Variants in GRAMD1A observed in about 807,000 individuals in gnomAD.
The protein encoded by GRAMD1A is protein Aster-A.
A neutral mutation model predicts 92.0 loss-of-function variants in GRAMD1A; 50 were observed. The observed-to-expected ratio is 0.54, with a 90% CI of 0.43 to 0.69. The LOEUF is 0.69. Ranked by LOEUF, GRAMD1A falls within the 30% of genes least tolerant of loss-of-function variation. GRAMD1A has a pLI of 0.00. For missense variants in GRAMD1A, 819 were observed against 978.9 expected (o/e 0.84, Z 2.18); for synonymous variants, 405 against 403.6 (o/e 1.00, Z -0.04).
intron 11 of GRAMD1A, among the ~76,000 whole-genome samples, chr19:35,018,145 G>A (rs1308112799): frequency 3.9e-5 from 6 of 151,960 alleles, no homozygotes; most frequent in Non-Finnish European, 7.4e-5. Context: ...CCACCGTCAC[G>A]CCCAGCTAAT....
chr19:34,996,126 A>G, upstream of GRAMD1A: 1 of 1,536,086 alleles, frequency 6.5e-7, no homozygotes, highest in Non-Finnish European at 8.7e-7. Flanking sequence ...CAGCAGCCAC[A>G]GGGTGACAGG....
At chr19:35,022,237 C>T (rs1461297186) in intron 16 of GRAMD1A, among the ~76,000 whole-genome samples, 199 bp downstream of exon 16, 3 of 151,508 alleles carry the variant, frequency 2.0e-5, no homozygotes, top group Non-Finnish European at 2.9e-5. Context: ...ACAGCAGAGC[C>T]GGGGGGGGCT....
rs1227176649 is a variant in GRAMD1A, at chr19:35,015,934, C to G, written c.1180C>G (p.Leu394Val). ...QQMLFSDSPF[L>V]QGFLQQCKFT... is the part of the protein sequence containing the mutation. The stretch of plus-strand genomic sequence containing the variant: ...GATGCTCTTCTCGGACTCGCCCTTC[C>G]TCCAGGGCTTCCTACAGCAGTGCAA... Residue 394 changes from leucine (L) to valine (V), a missense_variant, in exon 11 of 20, where the codon CTC becomes GTC. Leu to Val is a conservative substitution (Grantham distance 32, BLOSUM62 1). Transcript: ENST00000317991. The G allele has an allele frequency of 6.2e-7, 1 of 1,614,048 alleles. No homozygotes were observed. Among genetic ancestry groups the G allele is most frequent in the African/African-American group, 1.3e-5 (1 of 75,060 alleles).
chr19:35,020,417 A>G (rs1177518937), intron 13 of GRAMD1A, among the ~76,000 whole-genome samples: 1 of 152,058 alleles, frequency 6.6e-6, no homozygotes. Context: ...GCACGTCTGT[A>G]ATCCCTACTA....
upstream of GRAMD1A, among the ~76,000 whole-genome samples, chr19:34,996,991 G>C (rs1182285693): frequency 6.6e-6 from 1 of 152,046 alleles, no homozygotes; most frequent in East Asian, 1.9e-4. Context: ...GAAGTGCAGT[G>C]GCATGATCTT....
upstream of GRAMD1A, chr19:34,996,210 G>C (rs1338658701): frequency 2.3e-5 from 36 of 1,535,740 alleles, no homozygotes; most frequent in Non-Finnish European, 3.0e-5. Flanking sequence ...TCCAGTGATG[G>C]GGAGTCCCCC....
At chr19:35,000,307 C>T, upstream of GRAMD1A, 2 of 1,044,308 alleles carry the variant, frequency 1.9e-6, no homozygotes, top group South Asian at 4.5e-5. The surrounding 1 kb of genome is among the most constrained non-coding windows in gnomAD (Gnocchi z 4.9). Flanking sequence ...CCGCGGCGGC[C>T]TCCGGCGGCT....
chr19:35,009,134 T>A lies in GRAMD1A; in HGVS notation c.24T>A (p.Ser8=). MFDTTPH[S]GRSTPSSSPS... ...CTGCCCCCAGCACCACACCCCACTCTGGCCGGAGCACGCCAAGCAGCTCCC... is the reference window on the plus strand; with the variant it reads ...CTGCCCCCAGCACCACACCCCACTCAGGCCGGAGCACGCCAAGCAGCTCCC... Residue 8 remains serine (S), a synonymous_variant, in exon 2 of 20, where the codon TCT becomes TCA. Transcript: ENST00000317991. 6.2e-7 allele frequency: 1 copy of A among 1,613,190 alleles called. No homozygotes were observed. Among genetic ancestry groups the A allele is most frequent in the Non-Finnish European group, 8.5e-7 (1 of 1,179,274 alleles).
chr19:35,008,235 A>AGGAGAATCTCTTGAACCC (rs1266162017), intron 1 of GRAMD1A, among the ~76,000 whole-genome samples: 1 of 152,140 alleles, frequency 6.6e-6, no homozygotes, highest in Non-Finnish European at 1.5e-5. Context: ...AGGTTGAAGC[A>AGGAGAATCTCTTGAACCC]GGAGAATCTC....
Position 35,017,297 on chromosome 19 carries a change from G to A in GRAMD1A, c.1213+1330G>A, listed in dbSNP as rs143309527. 1.8e-4 allele frequency among the ~76,000 whole-genome samples: 27 copies of A among 152,208 alleles called. No individual in the cohort carries two copies. The East Asian group carries it at 4.3e-3, about 24-fold the overall frequency. ...TTCTTTATAAGTTACTGAGCCTCAG[G>A]TATTTATAGTAATGTAAGAATGGCC... On this transcript the variant is annotated intron_variant, in intron 11 of 19. Coordinates refer to ENST00000317991, the MANE Select transcript of GRAMD1A (RefSeq NM_020895.5).
chr19:35,011,426 G>T (rs778920938), intron 6 of GRAMD1A, 48 bp from the exon 7 acceptor site: 2 of 1,435,138 alleles, frequency 1.4e-6, no homozygotes, highest in East Asian at 2.3e-5. Flanking sequence ...CTCTGTCCTG[G>T]TCGCTCCCCA....
chr19:35,016,024 G>A, intron 11 of GRAMD1A, 57 bp downstream of exon 11: 1 of 1,577,284 alleles, frequency 6.3e-7, no homozygotes, highest in Non-Finnish European at 8.6e-7. Context: ...GAGGGGTGAG[G>A]AAGGGTAGCC....
intron 1 of GRAMD1A, among the ~76,000 whole-genome samples, chr19:35,005,194 C>T (rs1219773235): frequency 9.7e-6 from 1 of 103,196 alleles, no homozygotes; most frequent in African/African-American, 3.8e-5. Context: ...CACTCAACAT[C>T]GTGGGTGGGG....
intron 11 of GRAMD1A, among the ~76,000 whole-genome samples, chr19:35,017,014 T>TA (rs566239564): frequency 2.9e-4 from 40 of 139,870 alleles, no homozygotes; most frequent in South Asian, 1.6e-3. Context: ...TTTACAAAAA[T>TA]AAAAAAAAAA....
chr19:35,014,626 T>C, intron 10 of GRAMD1A: 2 of 570,032 alleles, frequency 3.5e-6, no homozygotes, highest in South Asian at 4.2e-5. Context: ...CACCACTTCC[T>C]GACCATGTCA....
intron 7 of GRAMD1A, among the ~76,000 whole-genome samples, chr19:35,012,006 G>C: frequency 6.6e-6 from 1 of 152,300 alleles, no homozygotes; most frequent in African/African-American, 2.4e-5. Flanking sequence ...CCTGAGAGAG[G>C]GACAGCGCAC....
intron 6 of GRAMD1A, 113 bp from the exon 7 acceptor site, chr19:35,011,361 G>C: frequency 2.5e-6 from 2 of 815,266 alleles, no homozygotes; most frequent in South Asian, 2.7e-5. Flanking sequence ...TGAATTAGTG[G>C]ATTCATGGGG....
rs1241054802 is a variant in GRAMD1A at position 35,000,403 on chromosome 19, G to A, written c.-76G>A. 2 of 1,152,548 alleles carry A rather than the reference G, an allele frequency of 1.7e-6. No homozygotes were observed. The highest frequency in any genetic ancestry group is 4.2e-5 in the South Asian group (1 of 23,530). The allele number at this position is 1,152,548 out of a possible 1,614,324, so 71.4% of individuals were successfully genotyped here. A position where few individuals can be genotyped will look rare whatever the true frequency, so the allele number is the denominator to read the frequency against. On this transcript the variant is annotated 5_prime_UTR_variant, in exon 1 of 20. Transcript: ENST00000317991. The surrounding 1 kb of genome is among the most constrained non-coding windows in gnomAD (Gnocchi z 4.9). ...GTGCCCTGCGGGGACGCCCAGCGCA[G>A]CCCAGCCCCGCGCAGCCCAGCCCTG...
At position 35,014,363 on chromosome 19, in the gene GRAMD1A, T is replaced by G; in HGVS notation, c.1045T>G (p.Ser349Ala). ...GGAGCTATTGACAGACACAAGTAAC[T>G]CCTCTTCATCCACTGGGGAGGAAGG... ...SEELLTDTSNSSSSTGEEADL... is the reference protein window; with the variant it reads ...SEELLTDTSNASSSTGEEADL... The change falls in exon 10 of 20, where the codon TCC (serine) becomes GCC (alanine). Residue 349 changes from serine to alanine, a missense_variant. Physicochemically the swap from Ser to Ala is moderately conservative, Grantham distance 99 (BLOSUM62 1). This residue lies in a region of GRAMD1A where 577 missense variants were observed against 674.6 expected (regional missense o/e 0.86). Coordinates refer to ENST00000317991, the MANE Select transcript of GRAMD1A (RefSeq NM_020895.5). The G allele has an allele frequency of 6.2e-7, 1 of 1,613,972 alleles. No homozygotes were observed. The highest frequency in any genetic ancestry group is 8.5e-7 in the Non-Finnish European group (1 of 1,179,956).
Sources: gnomAD v4.1 joint callset for allele counts (sites outside exome capture counted in the v4.1 genomes callset) on GRCh38, gnomAD v4.1.1 for gene constraint, gnomAD v4.1.1 regional missense constraint, Gnocchi (gnomAD v3.1) non-coding constraint, MANE v1.5 for transcripts, NCBI Gene and HGNC (gene_info 2026-07-23, HGNC 2026-07-21) for gene names.